The following MSRB3 variants were observed in gnomAD, a reference collection of about 807,000 sequenced individuals.
The protein encoded by MSRB3 is methionine sulfoxide reductase B3, also known as methionine-R-sulfoxide reductase B3.
Under a neutral mutation model 21.0 loss-of-function variants are expected in MSRB3, and 13 were observed. That is an observed-to-expected ratio of 0.62 (90% CI 0.40 to 0.98). The LOEUF is 0.98. Among genes scored for constraint, MSRB3 ranks in the 50% least tolerant of loss-of-function variants. MSRB3 has a pLI of 0.00. For missense variants in MSRB3, 199 were observed against 230.3 expected, an observed-to-expected ratio of 0.86 and a Z score of 0.88; for synonymous variants, 87 against 88.6, an observed-to-expected ratio of 0.98 and a Z score of 0.10.
At chr12:65,451,174 T>C (rs547097143) in intron 5 of MSRB3, among the ~76,000 whole-genome samples, 5 of 152,346 alleles carry the variant, frequency 3.3e-5, no homozygotes, top group South Asian at 2.1e-4. Context: ...GGTTGACATA[T>C]TGAATATTCC....
At chr12:65,359,900 G>T (rs1357596177) in intron 4 of MSRB3, among the ~76,000 whole-genome samples, 1 of 152,058 alleles carries the variant, frequency 6.6e-6, no homozygotes, top group Admixed American at 6.6e-5. Flanking sequence ...GTATGAGTTT[G>T]CCAGGACTGC....
At chr12:65,295,902 G>A (rs2136402725) in intron 1 of MSRB3, among the ~76,000 whole-genome samples, 1 of 152,120 alleles carries the variant, frequency 6.6e-6, no homozygotes, top group East Asian at 1.9e-4. Context: ...TAATTCTCAG[G>A]GTCACAATGC....
intron 6 of MSRB3, among the ~76,000 whole-genome samples, chr12:65,456,951 G>A (rs575117550): frequency 6.2e-4 from 94 of 152,038 alleles, no homozygotes; most frequent in African/African-American, 2.2e-3. Flanking sequence ...TTATTTGTGT[G>A]TTCCATTCAC....
At chr12:65,424,118 G>T (rs1174490021) in intron 5 of MSRB3, among the ~76,000 whole-genome samples, 5 of 151,804 alleles carry the variant, frequency 3.3e-5, no homozygotes, top group Admixed American at 2.0e-4. Flanking sequence ...CAATTTTTTG[G>T]CATATAACTG....
chr12:65,364,871 T>G (rs1447859230), intron 4 of MSRB3, among the ~76,000 whole-genome samples: 1 of 152,210 alleles, frequency 6.6e-6, no homozygotes. Flanking sequence ...ATTATCATGT[T>G]TTAATTATCA....
At chr12:65,403,218 C>G (rs1176863206) in intron 5 of MSRB3, among the ~76,000 whole-genome samples, 1 of 152,214 alleles carries the variant, frequency 6.6e-6, no homozygotes, top group East Asian at 1.9e-4. Context: ...GCTCCTTCCC[C>G]CAGGTGCTCT....
At position 65,278,718 on chromosome 12, in the gene MSRB3, G is replaced by A. The variant is rs538272444; in HGVS notation, c.-199G>A. 1 of 1,504,012 alleles carries A rather than the reference G, an allele frequency of 6.6e-7. No homozygotes were observed. Among genetic ancestry groups the A allele is most frequent in the Non-Finnish European group, 9.0e-7 (1 of 1,105,632 alleles). 93.2% of individuals were successfully genotyped at this position (1,504,012 alleles called of 1,614,324 possible). A position where few individuals can be genotyped will look rare whatever the true frequency, so the allele number is the denominator to read the frequency against. ...CCGCCCCGTCCGTCGCCCGGAGCCG[G>A]GGAGGGAGGGAGCGAGGTTCGGACA... is the stretch of plus-strand genomic sequence containing the variant. On this transcript the variant is annotated 5_prime_UTR_variant, in exon 1 of 7. Coordinates refer to ENST00000308259, the MANE Select transcript of MSRB3 (RefSeq NM_001031679.3).
chr12:65,389,967 C>G (rs1006670420), intron 5 of MSRB3, among the ~76,000 whole-genome samples: 1 of 152,164 alleles, frequency 6.6e-6, no homozygotes, highest in Non-Finnish European at 1.5e-5. Context: ...CCACCATTTT[C>G]TTTTTGAACA....
intron 1 of MSRB3, chr12:65,284,988 C>T (rs556373284): frequency 8.5e-5 from 13 of 152,288 alleles, no homozygotes; most frequent in Admixed American, 4.6e-4. Flanking sequence ...CCAATTTGAA[C>T]ACACATTGTG....
intron 4 of MSRB3, among the ~76,000 whole-genome samples, chr12:65,342,660 A>G (rs1204158686): frequency 6.6e-6 from 1 of 152,026 alleles, no homozygotes; most frequent in South Asian, 2.1e-4. Context: ...ATGCATAAAG[A>G]TATAGCTACA....
chr12:65,278,804 G>T lies in MSRB3; in HGVS notation c.-113G>T. On this transcript the variant is annotated 5_prime_UTR_variant, in exon 1 of 7. Coordinates refer to ENST00000308259, the MANE Select transcript of MSRB3 (RefSeq NM_001031679.3). Reference sequence around the variant, plus strand: ...GGCGGACCCTCCCGCGCCCCCTCTCGCTCTGCCTCTCCCTCTGCCTCTGCC... The same window carrying T: ...GGCGGACCCTCCCGCGCCCCCTCTCTCTCTGCCTCTCCCTCTGCCTCTGCC... 1 of 1,571,062 alleles carries T rather than the reference G, an allele frequency of 6.4e-7. No individual in the cohort carries two copies.
At chr12:65,396,704 A>AGAAAGAAAGAAAGAAAGAAAGAAAG (rs1555209340) in intron 5 of MSRB3, among the ~76,000 whole-genome samples, 33 of 54,132 alleles carry the variant, frequency 6.1e-4, no homozygotes, top group African/African-American at 2.1e-3. Context: ...AAAAAAAAAA[A>AGAAAGAAAGAAAGAAAGAAAGAAAG]AAAGAAAGAA....
chr12:65,295,193 G>C (rs930002867), intron 1 of MSRB3, among the ~76,000 whole-genome samples: 1 of 152,092 alleles, frequency 6.6e-6, no homozygotes, highest in Admixed American at 6.5e-5. Context: ...CCTTGAAAAA[G>C]TATCTAAAAA....
intron 5 of MSRB3, among the ~76,000 whole-genome samples, chr12:65,449,169 C>T (rs2136694484): frequency 1.3e-5 from 2 of 151,476 alleles, no homozygotes; most frequent in African/African-American, 4.8e-5. Flanking sequence ...GCTGGGACTA[C>T]AGGCAGCCCC....
intron 2 of MSRB3, among the ~76,000 whole-genome samples, chr12:65,317,370 C>G (rs1344002423): frequency 6.6e-6 from 1 of 152,156 alleles, no homozygotes; most frequent in Non-Finnish European, 1.5e-5. Flanking sequence ...AGTTTGGCCA[C>G]TTTCTCCCCG....
At chr12:65,330,730 G>A (rs923128219) in intron 4 of MSRB3, among the ~76,000 whole-genome samples, 4 of 152,110 alleles carry the variant, frequency 2.6e-5, no homozygotes, top group East Asian at 1.9e-4. Flanking sequence ...ACTTTAAAGA[G>A]ACTCGAAAGC....
chr12:65,456,618 A>G (rs532576727), intron 6 of MSRB3, among the ~76,000 whole-genome samples: 40 of 152,372 alleles, frequency 2.6e-4, no homozygotes, highest in Middle Eastern at 6.8e-3. Context: ...ATGAACCAAC[A>G]CTGACCTGCT....
intron 5 of MSRB3, among the ~76,000 whole-genome samples, chr12:65,401,414 C>G (rs995653905): frequency 6.6e-6 from 1 of 152,126 alleles, no homozygotes; most frequent in Non-Finnish European, 1.5e-5. Flanking sequence ...TCTGTTTTAT[C>G]AGAGACTAGC....
intron 5 of MSRB3, among the ~76,000 whole-genome samples, chr12:65,426,482 CTTTAATT>C (rs1042756191): frequency 6.6e-6 from 1 of 152,050 alleles, no homozygotes; most frequent in African/African-American, 2.4e-5. Flanking sequence ...TTCTCTCTGT[CTTTAATT>C]TTTGACAGTT....
Sources: gnomAD v4.1 joint callset for allele counts (sites outside exome capture counted in the v4.1 genomes callset) on GRCh38, gnomAD v4.1.1 for gene constraint, MANE v1.5 for transcripts, NCBI Gene and HGNC (gene_info 2026-07-23, HGNC 2026-07-21) for gene names.